Variants in PNLIPRP3 observed in about 807,000 individuals in gnomAD.
The protein encoded by PNLIPRP3 is pancreatic lipase related protein 3, also known as pancreatic lipase-related protein 3.
A neutral mutation model predicts 52.8 loss-of-function variants in PNLIPRP3; 58 were observed. The observed-to-expected ratio is 1.10, with a 90% confidence interval of 0.89 to 1.37. The LOEUF is 1.37. PNLIPRP3 is among the 40% of genes most tolerant of loss of function. The pLI is 0.00. For missense variants in PNLIPRP3, 593 were observed against 561.6 expected, an observed-to-expected ratio of 1.06 and a Z score of -0.57; for synonymous variants, 192 against 185.0, an observed-to-expected ratio of 1.04 and a Z score of -0.31.
At chr10:116,450,631 A>G (rs1846020799) in intron 4 of PNLIPRP3, among the ~76,000 whole-genome samples, 1 of 152,144 alleles carries the variant, frequency 6.6e-6, no homozygotes, top group South Asian at 2.1e-4. Flanking sequence ...AGACATGACA[A>G]TTGAGACCAC....
chr10:116,457,780 T>C (rs1168830031), intron 5 of PNLIPRP3, among the ~76,000 whole-genome samples: 1 of 152,210 alleles, frequency 6.6e-6, no homozygotes, highest in South Asian at 2.1e-4. Context: ...TTATGATCAA[T>C]TCAAAGAGAT....
intron 4 of PNLIPRP3, among the ~76,000 whole-genome samples, chr10:116,454,908 T>A (rs1846089425): frequency 6.6e-6 from 1 of 152,228 alleles, no homozygotes; most frequent in South Asian, 2.1e-4. Context: ...TTCCCAGAAG[T>A]GAGATTGATA....
chr10:116,434,235 C>A (rs181932436), intron 1 of PNLIPRP3, among the ~76,000 whole-genome samples: 3 of 152,170 alleles, frequency 2.0e-5, no homozygotes, highest in Non-Finnish European at 4.4e-5. Context: ...ATAACATAGA[C>A]AAGTATAAAT....
At chr10:116,439,980 C>T (rs1845833854) in intron 2 of PNLIPRP3, 9 of 803,516 alleles carry the variant, frequency 1.1e-5, no homozygotes, top group South Asian at 6.7e-5. Context: ...CTTCTCTGCA[C>T]GTCTGCACGA....
chr10:116,470,159 A>G (rs1012108930), intron 9 of PNLIPRP3, among the ~76,000 whole-genome samples: 1 of 19,766 alleles, frequency 5.1e-5, no homozygotes, highest in South Asian at 5.6e-3. Flanking sequence ...GCAAGATGAT[A>G]GGCTAGTTTC....
chr10:116,428,360 G>A (rs2133104984), intron 1 of PNLIPRP3, among the ~76,000 whole-genome samples: 2 of 152,234 alleles, frequency 1.3e-5, no homozygotes, highest in South Asian at 4.1e-4. Context: ...ACAGTCTTGT[G>A]TTGGGCTGCT....
chr10:116,444,425 G>A lies in PNLIPRP3; in HGVS notation c.368G>A (p.Trp123Ter). ...GATATAAATTGCATTAATTTAGATT[G>A]GATCAACGGTTCACGGGAATACATC... ...LEDINCINLD[W>*]INGSREYIHA... Residue 123 changes from tryptophan to a stop codon, truncating the protein, a stop_gained, in exon 4 of 12, where the codon TGG (tryptophan) becomes TAG (stop). Transcript: ENST00000369230. LOFTEE classifies it high-confidence loss of function. 6.2e-7 allele frequency: 1 copy of A among 1,612,130 alleles called. No individual in the cohort carries two copies. The highest frequency in any genetic ancestry group is 2.2e-5 in the East Asian group (1 of 44,858).
intron 3 of PNLIPRP3, 116 bp from the exon 4 acceptor site, chr10:116,444,266 A>T (rs1845909269): frequency 1.1e-6 from 1 of 875,114 alleles, no homozygotes. Context: ...TCGGGGACAC[A>T]AAGTCTAACC....
rs772153660 is a variant in PNLIPRP3 at position 116,476,782 on chromosome 10, G to A, written c.1303G>A (p.Glu435Lys). Reference protein sequence around the residue: ...FEDSQNKLGAEMVINTSGKYG... With the variant: ...FEDSQNKLGAKMVINTSGKYG... ...AGATTCTCAGAATAAGTTGGGAGCAGAAATGGTGATAAATACATCTGGGAA... is the reference window on the plus strand; with the variant it reads ...AGATTCTCAGAATAAGTTGGGAGCAAAAATGGTGATAAATACATCTGGGAA... Residue 435 changes from glutamate to lysine, a missense_variant, in exon 11 of 12, where the codon GAA (glutamate) becomes AAA (lysine). Physicochemically the swap from Glu to Lys is moderately conservative, Grantham distance 56. Transcript: ENST00000369230. 1 of 1,608,980 alleles carries A rather than the reference G, an allele frequency of 6.2e-7. No individual in the cohort carries two copies. The highest frequency in any genetic ancestry group is 1.3e-5 in the African/African-American group (1 of 74,814).
chr10:116,467,921 C>T (rs554036075), intron 8 of PNLIPRP3, among the ~76,000 whole-genome samples: 209 of 151,800 alleles, frequency 1.4e-3, no homozygotes, highest in Non-Finnish European at 2.6e-3. Flanking sequence ...GTCAGGAGAT[C>T]GAGACCATCC....
intron 4 of PNLIPRP3, among the ~76,000 whole-genome samples, chr10:116,450,405 G>A (rs886305905): frequency 1.3e-5 from 2 of 152,056 alleles, no homozygotes; most frequent in African/African-American, 4.8e-5. Flanking sequence ...CCCTGAACTA[G>A]ATAAAGGAGA....
intron 1 of PNLIPRP3, among the ~76,000 whole-genome samples, chr10:116,436,274 T>G (rs1845771849): frequency 1.6e-5 from 1 of 63,406 alleles, no homozygotes; most frequent in South Asian, 1.2e-3. Flanking sequence ...CAACAAATGG[T>G]ATTGGGAATA....
intron 1 of PNLIPRP3, among the ~76,000 whole-genome samples, chr10:116,431,658 A>G (rs1845711092): frequency 6.6e-6 from 1 of 152,184 alleles, no homozygotes; most frequent in African/African-American, 2.4e-5. Context: ...CTGCCAAACT[A>G]GTTACTGCAA....
At chr10:116,471,325 T>C (rs1769896987) in intron 9 of PNLIPRP3, among the ~76,000 whole-genome samples, 1 of 152,180 alleles carries the variant, frequency 6.6e-6, no homozygotes, top group South Asian at 2.1e-4. Flanking sequence ...CTCTAAATGA[T>C]TATAAAAGCA....
intron 2 of PNLIPRP3, 113 bp downstream of exon 2, chr10:116,436,978 T>C: frequency 9.1e-7 from 1 of 1,098,258 alleles, no homozygotes; most frequent in Non-Finnish European, 1.3e-6. Context: ...TTGACTTAAA[T>C]GCAAACATTT....
chr10:116,443,897 G>A (rs1425030893), intron 3 of PNLIPRP3, among the ~76,000 whole-genome samples: 1 of 145,698 alleles, frequency 6.9e-6, no homozygotes, highest in Non-Finnish European at 1.5e-5. Context: ...GCCTGTGGTA[G>A]GTTCTCTATT....
intron 3 of PNLIPRP3, 33 bp from the exon 4 acceptor site, chr10:116,444,349 T>C: frequency 6.5e-7 from 1 of 1,534,586 alleles, no homozygotes; most frequent in Non-Finnish European, 8.8e-7. Flanking sequence ...TGAACACTTA[T>C]TTATTTAATA....
At chr10:116,432,277 G>C (rs1845718057) in intron 1 of PNLIPRP3, among the ~76,000 whole-genome samples, 1 of 152,208 alleles carries the variant, frequency 6.6e-6, no homozygotes, top group Non-Finnish European at 1.5e-5. Context: ...AGATAGAGAA[G>C]TGACTCCTTT....
chr10:116,454,397 C>T (rs573864745), intron 4 of PNLIPRP3, among the ~76,000 whole-genome samples: 12 of 152,174 alleles, frequency 7.9e-5, no homozygotes, highest in Admixed American at 3.3e-4. Context: ...GGATTACAGG[C>T]GTGAGCCCCC....
Sources: gnomAD v4.1 joint callset for allele counts (sites outside exome capture counted in the v4.1 genomes callset) on GRCh38, gnomAD v4.1.1 for gene constraint, MANE v1.5 for transcripts, NCBI Gene and HGNC (gene_info 2026-07-23, HGNC 2026-07-21) for gene names.